Variants in KCNIP4 observed in about 807,000 individuals in gnomAD.
KCNIP4 encodes the protein Kv channel-interacting protein 4.
KCNIP4 carries 12 observed loss-of-function variants against 34.0 expected under a neutral mutation model. The ratio of observed to expected loss-of-function variants is 0.35; its 90% CI spans 0.23 to 0.57. The LOEUF (loss-of-function observed/expected upper bound fraction) is 0.57, where lower values mean the gene tolerates loss of function less well. Ranked by LOEUF, KCNIP4 falls within the 20% of genes least tolerant of loss-of-function variation. The pLI, the probability that KCNIP4 is intolerant of heterozygous loss-of-function variation, is 0.83. For synonymous variants in KCNIP4, 124 were observed against 102.2 expected, an observed-to-expected ratio of 1.21 and a Z score of -1.29; for missense variants, 238 against 311.7, an observed-to-expected ratio of 0.76 and a Z score of 1.78.
intron 1 of KCNIP4, among the ~76,000 whole-genome samples, chr4:20,964,058 T>C (rs532655167): frequency 2.6e-4 from 39 of 152,330 alleles, no homozygotes; most frequent in Non-Finnish European, 4.7e-4. Flanking sequence ...GATTATACAC[T>C]ACAAAAGAAT....
intron 1 of KCNIP4, among the ~76,000 whole-genome samples, chr4:21,887,789 T>C (rs1380553728): frequency 6.6e-6 from 1 of 152,192 alleles, no homozygotes; most frequent in African/African-American, 2.4e-5. Context: ...AACCATCCTT[T>C]ATATATTCTA....
intron 1 of KCNIP4, among the ~76,000 whole-genome samples, chr4:21,751,368 A>G (rs1717139884): frequency 1.3e-5 from 2 of 152,138 alleles, no homozygotes; most frequent in South Asian, 4.2e-4. Flanking sequence ...AAGGATTATT[A>G]TTAATTGTGT....
chr4:21,091,335 A>G (rs947120651), intron 1 of KCNIP4, among the ~76,000 whole-genome samples: 3 of 152,222 alleles, frequency 2.0e-5, no homozygotes, highest in African/African-American at 7.2e-5. Flanking sequence ...CTAATAAAAA[A>G]GCAGTAGACA....
At chr4:21,406,986 G>A (rs1188163367) in intron 1 of KCNIP4, among the ~76,000 whole-genome samples, 2 of 152,090 alleles carry the variant, frequency 1.3e-5, no homozygotes, top group East Asian at 1.9e-4. Flanking sequence ...ACTTGGAAAT[G>A]TATATAACTT....
chr4:21,489,215 G>A (rs1193856140), intron 1 of KCNIP4, among the ~76,000 whole-genome samples: 1 of 151,120 alleles, frequency 6.6e-6, no homozygotes, highest in Non-Finnish European at 1.5e-5. Context: ...ACCTAGCACT[G>A]TGCTTGGCAA....
intron 1 of KCNIP4, among the ~76,000 whole-genome samples, chr4:21,154,209 G>C (rs889770261): frequency 2.0e-5 from 3 of 152,080 alleles, no homozygotes; most frequent in Non-Finnish European, 4.4e-5. Flanking sequence ...ACCACTAAGT[G>C]ATAAATGGTT....
chr4:21,485,204 G>T (rs1474398665), intron 1 of KCNIP4, among the ~76,000 whole-genome samples: 2 of 152,020 alleles, frequency 1.3e-5, no homozygotes, highest in Non-Finnish European at 2.9e-5. Flanking sequence ...AAGTTTTGTG[G>T]CAGTGCAAAT....
chr4:21,504,432 C>T (rs1208882879), intron 1 of KCNIP4, among the ~76,000 whole-genome samples: 1 of 124,874 alleles, frequency 8.0e-6, no homozygotes, highest in Non-Finnish European at 1.6e-5. Flanking sequence ...CATGCCACTG[C>T]ACTCCAGCCT....
intron 1 of KCNIP4, among the ~76,000 whole-genome samples, chr4:21,832,717 T>A (rs1446172908): frequency 2.1e-5 from 3 of 143,814 alleles, no homozygotes; most frequent in Non-Finnish European, 4.5e-5. Context: ...ATTAGGTATA[T>A]CTCCCAATGC....
At chr4:20,914,339 G>T (rs1728606187) in intron 1 of KCNIP4, among the ~76,000 whole-genome samples, 1 of 152,072 alleles carries the variant, frequency 6.6e-6, no homozygotes, top group African/African-American at 2.4e-5. Context: ...GACTTTGGTA[G>T]GTGATTAGGT....
At chr4:21,752,898 A>G (rs1423944312) in intron 1 of KCNIP4, among the ~76,000 whole-genome samples, 1 of 152,190 alleles carries the variant, frequency 6.6e-6, no homozygotes, top group African/African-American at 2.4e-5. Flanking sequence ...TCACATGCAC[A>G]GTTATTTTTA....
chr4:21,918,625 A>G (rs1728771305), intron 1 of KCNIP4, among the ~76,000 whole-genome samples: 1 of 152,206 alleles, frequency 6.6e-6, no homozygotes, highest in South Asian at 2.1e-4. Context: ...TAACCAGAGT[A>G]AGATGCCTGC....
intron 1 of KCNIP4, among the ~76,000 whole-genome samples, chr4:21,829,745 G>C (rs1332290700): frequency 6.6e-6 from 1 of 151,578 alleles, no homozygotes; most frequent in Non-Finnish European, 1.5e-5. Flanking sequence ...GAGAAAGAAA[G>C]AAAAAGAGGA....
At chr4:21,284,695 T>G (rs1256465530) in intron 1 of KCNIP4, among the ~76,000 whole-genome samples, 2 of 152,066 alleles carry the variant, frequency 1.3e-5, no homozygotes, top group Non-Finnish European at 2.9e-5. Context: ...AGAATGGACT[T>G]AAATATACCT....
chr4:20,979,584 G>A (rs1560618084), intron 1 of KCNIP4, among the ~76,000 whole-genome samples: 1 of 151,860 alleles, frequency 6.6e-6, no homozygotes, highest in Non-Finnish European at 1.5e-5. Context: ...ATTTTTAGTA[G>A]AGACAGGGTT....
chr4:21,889,360 C>T (rs1409578669), intron 1 of KCNIP4, among the ~76,000 whole-genome samples: 1 of 150,890 alleles, frequency 6.6e-6, no homozygotes, highest in East Asian at 1.9e-4. Context: ...TATGTATATG[C>T]AAGCATCTCA....
At chr4:21,124,720 G>C (rs547065253) in intron 1 of KCNIP4, among the ~76,000 whole-genome samples, 1 of 152,244 alleles carries the variant, frequency 6.6e-6, no homozygotes, top group African/African-American at 2.4e-5. Context: ...AAAGTCCAGG[G>C]CTAGTCTATG....
intron 1 of KCNIP4, among the ~76,000 whole-genome samples, chr4:21,334,974 A>C (rs867588737): frequency 5.3e-5 from 8 of 152,090 alleles, no homozygotes; most frequent in African/African-American, 1.9e-4. Context: ...ATTTGTATAC[A>C]AGTCTTTTTC....
intron 1 of KCNIP4, among the ~76,000 whole-genome samples, chr4:21,421,651 C>A (rs1417630304): frequency 6.6e-6 from 1 of 152,064 alleles, no homozygotes; most frequent in African/African-American, 2.4e-5. Context: ...CAAAGGATAA[C>A]ATTTCAGTTA....
Sources: allele counts gnomAD v4.1 joint callset (sites outside exome capture counted in the v4.1 genomes callset), GRCh38; gene constraint gnomAD v4.1.1; transcripts MANE v1.5; gene names NCBI Gene and HGNC (gene_info 2026-07-23, HGNC 2026-07-21).